Variants in ENOX1 observed in about 807,000 individuals in gnomAD.
ENOX1 encodes the protein ecto-NOX disulfide-thiol exchanger 1, also known as candidate growth-related and time keeping constitutive hydroquinone (NADH) oxidase.
In ENOX1, 42 loss-of-function variants were observed where a neutral mutation model predicts 82.5. That is an observed-to-expected ratio of 0.51 (90% CI 0.40 to 0.66). ENOX1 has a LOEUF of 0.66. Among genes scored for constraint, ENOX1 ranks in the 30% least tolerant of loss-of-function variants. ENOX1 has a pLI of 0.00. For synonymous variants in ENOX1, 271 were observed against 282.2 expected (o/e 0.96, Z 0.40); for missense variants, 608 against 811.6 (o/e 0.75, Z 3.05).
At chr13:43,499,210 A>C (rs2076893686) in intron 2 of ENOX1, among the ~76,000 whole-genome samples, 1 of 152,132 alleles carries the variant, frequency 6.6e-6, no homozygotes. Flanking sequence ...GTGGATACTA[A>C]AGAAATATGA....
intron 7 of ENOX1, among the ~76,000 whole-genome samples, chr13:43,358,180 T>C (rs2050267495): frequency 6.6e-6 from 1 of 152,238 alleles, no homozygotes; most frequent in South Asian, 2.1e-4. Context: ...TGTCAGTGTC[T>C]TATGAGGCTT....
intron 1 of ENOX1, among the ~76,000 whole-genome samples, chr13:43,779,727 G>C (rs1202295496): frequency 6.6e-6 from 1 of 152,106 alleles, no homozygotes; most frequent in East Asian, 1.9e-4. Flanking sequence ...ACTCTACCAG[G>C]TCCTCCATGG....
intron 2 of ENOX1, among the ~76,000 whole-genome samples, chr13:43,515,177 T>C (rs1257323527): frequency 6.6e-6 from 1 of 152,180 alleles, no homozygotes; most frequent in East Asian, 1.9e-4. Flanking sequence ...GTGTGTCATG[T>C]ACTCCAAAAC....
At chr13:43,314,516 T>C (rs1284713030) in intron 11 of ENOX1, among the ~76,000 whole-genome samples, 1 of 152,224 alleles carries the variant, frequency 6.6e-6, no homozygotes, top group African/African-American at 2.4e-5. Flanking sequence ...CAAGGTATAA[T>C]AGCTTTATGT....
At chr13:43,331,559 T>A (rs2048410006) in intron 9 of ENOX1, among the ~76,000 whole-genome samples, 1 of 152,212 alleles carries the variant, frequency 6.6e-6, no homozygotes, top group Non-Finnish European at 1.5e-5. Flanking sequence ...TGAGAGATTT[T>A]CAAAGGGATA....
At chr13:43,514,947 C>T (rs899461179) in intron 2 of ENOX1, among the ~76,000 whole-genome samples, 19 of 152,032 alleles carry the variant, frequency 1.2e-4, no homozygotes, top group African/African-American at 4.1e-4. Flanking sequence ...TTCTATATGC[C>T]AGATTGTAGG....
chr13:43,643,119 T>C (rs923772396), intron 2 of ENOX1, among the ~76,000 whole-genome samples: 4 of 152,240 alleles, frequency 2.6e-5, no homozygotes, highest in African/African-American at 7.2e-5. Context: ...ACAACTGTCC[T>C]GTCGCACAAA....
At chr13:43,333,391 C>T (rs2048518268) in intron 9 of ENOX1, among the ~76,000 whole-genome samples, 1 of 152,138 alleles carries the variant, frequency 6.6e-6, no homozygotes, top group Admixed American at 6.5e-5. Flanking sequence ...TTGTCTGCAC[C>T]AGTGATATGT....
At chr13:43,379,915 A>G (rs1346100843) in intron 5 of ENOX1, among the ~76,000 whole-genome samples, 5 of 152,004 alleles carry the variant, frequency 3.3e-5, no homozygotes, top group Non-Finnish European at 7.4e-5. Flanking sequence ...GCATCCAGGA[A>G]AAAAAGACAT....
intron 12 of ENOX1, among the ~76,000 whole-genome samples, chr13:43,297,357 A>T (rs2046337095): frequency 6.6e-6 from 1 of 152,222 alleles, no homozygotes; most frequent in Non-Finnish European, 1.5e-5. Flanking sequence ...AATTAAAAAA[A>T]ATTGACTCTA....
At position 43,559,870 on chromosome 13, in the gene ENOX1, A is replaced by T. The variant is rs565478373; in HGVS notation, c.-218-75718T>A. 2.6e-5 allele frequency among the ~76,000 whole-genome samples: 4 copies of T among 152,320 alleles called. No homozygotes were observed. In the East Asian group the frequency reaches 7.7e-4, roughly 29 times the overall value. On this transcript the variant is annotated intron_variant, in intron 2 of 16. Transcript: ENST00000690772. Reference sequence around the variant, plus strand: ...AAAAGACTAAAACACAAACTCCTTTAGTAAAATGCTTTAATATACTCTAGG... The same window carrying T: ...AAAAGACTAAAACACAAACTCCTTTTGTAAAATGCTTTAATATACTCTAGG...
At chr13:43,514,130 G>T (rs907148928) in intron 2 of ENOX1, among the ~76,000 whole-genome samples, 1 of 152,080 alleles carries the variant, frequency 6.6e-6, no homozygotes, top group African/African-American at 2.4e-5. Context: ...AGACAAAGAG[G>T]CAATTTTTTA....
chr13:43,766,037 A>G (rs1173701044), intron 1 of ENOX1, among the ~76,000 whole-genome samples: 1 of 152,190 alleles, frequency 6.6e-6, no homozygotes, highest in Admixed American at 6.5e-5. Flanking sequence ...AAGAATCATT[A>G]GTCATTTTAT....
intron 3 of ENOX1, among the ~76,000 whole-genome samples, chr13:43,477,108 T>G (rs1453407867): frequency 3.3e-5 from 5 of 151,656 alleles, no homozygotes; most frequent in Non-Finnish European, 7.4e-5. Context: ...TATGATCCCA[T>G]CTATGTAAAC....
At chr13:43,618,736 T>C (rs1298416105) in intron 2 of ENOX1, among the ~76,000 whole-genome samples, 1 of 152,152 alleles carries the variant, frequency 6.6e-6, no homozygotes, top group Non-Finnish European at 1.5e-5. Context: ...TTTGGTTCCA[T>C]ATGAATTCTA....
intron 5 of ENOX1, among the ~76,000 whole-genome samples, chr13:43,370,286 G>A (rs2051142975): frequency 6.6e-6 from 1 of 152,078 alleles, no homozygotes; most frequent in South Asian, 2.1e-4. Context: ...AGAATGGCAT[G>A]AACCTGGGAG....
In ENOX1 at chr13:43,495,784, C is replaced by A. The variant is rs2076772591; in HGVS notation, c.-218-11632G>T. Reference sequence around the variant, plus strand: ...CAAAAAAATCCTGTAATATGTTATACCCTCAGGAGCACGGTACAAGAATTT... The same window carrying A: ...CAAAAAAATCCTGTAATATGTTATAACCTCAGGAGCACGGTACAAGAATTT... On this transcript the variant is annotated intron_variant, in intron 2 of 16. Transcript: ENST00000690772. 2.0e-5 allele frequency among the ~76,000 whole-genome samples: 3 copies of A among 150,146 alleles called. No homozygotes were observed. In the Admixed American group the frequency reaches 2.1e-4, roughly 10 times the overall value.
At chr13:43,218,555 G>A (rs2041613221) in intron 16 of ENOX1, among the ~76,000 whole-genome samples, 1 of 152,194 alleles carries the variant, frequency 6.6e-6, no homozygotes, top group African/African-American at 2.4e-5. Context: ...GAGCACAGGG[G>A]TTGGAGCCTG....
intron 5 of ENOX1, among the ~76,000 whole-genome samples, chr13:43,400,449 C>G (rs2053431532): frequency 6.6e-6 from 1 of 152,204 alleles, no homozygotes; most frequent in South Asian, 2.1e-4. Flanking sequence ...TTGTGTTAAA[C>G]TTTAAAAATT....
Sources: allele counts gnomAD v4.1 joint callset (sites outside exome capture counted in the v4.1 genomes callset), GRCh38; gene constraint gnomAD v4.1.1; transcripts MANE v1.5; gene names NCBI Gene and HGNC (gene_info 2026-07-23, HGNC 2026-07-21).